SOS1: variants seen among roughly 807,000 people sequenced by gnomAD.
The protein encoded by SOS1 is SOS Ras/Rac guanine nucleotide exchange factor 1, also known as son of sevenless homolog 1.
A neutral mutation model predicts 157.6 loss-of-function variants in SOS1; 25 were observed. That is an observed-to-expected ratio of 0.16 (90% CI 0.12 to 0.22). The LOEUF (loss-of-function observed/expected upper bound fraction) is 0.22, where lower values mean the gene tolerates loss of function less well. Ranked by LOEUF, SOS1 falls within the 10% of genes least tolerant of loss-of-function variation. SOS1 has a pLI of 1.00. For synonymous variants in SOS1, 528 were observed against 534.0 expected (o/e 0.99, Z 0.16); for missense variants, 1,237 against 1,599.1 (o/e 0.77, Z 3.86).
At chr2:39,040,428 A>G (rs976443887) in intron 6 of SOS1, among the ~76,000 whole-genome samples, 1 of 152,126 alleles carries the variant, frequency 6.6e-6, no homozygotes, top group Non-Finnish European at 1.5e-5. Flanking sequence ...CCATTTCCAG[A>G]TCTGAACTAT....
At chr2:39,069,029 C>G (rs1261442365) in intron 1 of SOS1, among the ~76,000 whole-genome samples, 1 of 151,850 alleles carries the variant, frequency 6.6e-6, no homozygotes, top group Non-Finnish European at 1.5e-5. Context: ...GTGACAGCCT[C>G]AGTGTACAGG....
At chr2:39,110,656 A>C (rs1241375715) in intron 1 of SOS1, among the ~76,000 whole-genome samples, 2 of 152,270 alleles carry the variant, frequency 1.3e-5, no homozygotes, top group East Asian at 3.8e-4. Context: ...TCACAACACA[A>C]CAATTAACTT....
chr2:39,056,385 C>G (rs1671212162), intron 4 of SOS1, among the ~76,000 whole-genome samples: 1 of 151,866 alleles, frequency 6.6e-6, no homozygotes, highest in Non-Finnish European at 1.5e-5. Context: ...CCACTGCACT[C>G]CAGCCTGGGC....
intron 9 of SOS1, 133 bp from the exon 10 acceptor site, chr2:39,023,358 T>C: frequency 1.6e-6 from 1 of 615,628 alleles, no homozygotes; most frequent in Non-Finnish European, 2.7e-6. Flanking sequence ...CCAAATAGAT[T>C]AGAATTACAA....
At chr2:39,095,065 A>AT (rs1379578054) in intron 1 of SOS1, among the ~76,000 whole-genome samples, 2 of 152,336 alleles carry the variant, frequency 1.3e-5, no homozygotes, top group East Asian at 3.9e-4. Flanking sequence ...CTCAGCTACC[A>AT]TAACAGCCAC....
intron 8 of SOS1, among the ~76,000 whole-genome samples, chr2:39,031,926 A>G (rs1276997269): frequency 6.6e-6 from 1 of 152,202 alleles, no homozygotes; most frequent in Non-Finnish European, 1.5e-5. Context: ...TAAAGAGTGA[A>G]GACTTGACTG....
intron 2 of SOS1, among the ~76,000 whole-genome samples, chr2:39,066,684 A>C (rs528108560): frequency 6.6e-6 from 1 of 152,292 alleles, no homozygotes; most frequent in Admixed American, 6.5e-5. Context: ...TAAAAAGACA[A>C]GGGCCATATC....
intron 17 of SOS1, among the ~76,000 whole-genome samples, chr2:39,005,121 C>G (rs1175670392): frequency 1.3e-5 from 2 of 152,162 alleles, no homozygotes; most frequent in South Asian, 2.1e-4. Flanking sequence ...TACATATACA[C>G]ATACATACAT....
intron 1 of SOS1, among the ~76,000 whole-genome samples, chr2:39,080,426 C>G (rs1672162101): frequency 6.6e-6 from 1 of 152,164 alleles, no homozygotes; most frequent in Non-Finnish European, 1.5e-5. Flanking sequence ...TCCTAACAGG[C>G]CATGGACCAG....
At chr2:38,988,181 T>C (rs1035551534) in intron 21 of SOS1, among the ~76,000 whole-genome samples, 15 of 152,164 alleles carry the variant, frequency 9.9e-5, no homozygotes, top group African/African-American at 3.6e-4. Flanking sequence ...AGAGGCTCAT[T>C]ATACTCTAAA....
chr2:39,110,852 G>A (rs1275099893), intron 1 of SOS1, among the ~76,000 whole-genome samples: 2 of 152,214 alleles, frequency 1.3e-5, no homozygotes, highest in African/African-American at 4.8e-5. Context: ...TATAACCCCA[G>A]CACTTTGGGA....
chr2:39,004,138 G>A (rs970425809), intron 17 of SOS1, among the ~76,000 whole-genome samples: 2 of 152,092 alleles, frequency 1.3e-5, no homozygotes, highest in African/African-American at 2.4e-5. Flanking sequence ...GTCCCTGGCC[G>A]GGTGCGGTGG....
chr2:39,059,583 T>C (rs745603686), intron 2 of SOS1, among the ~76,000 whole-genome samples: 12 of 152,174 alleles, frequency 7.9e-5, no homozygotes, highest in Non-Finnish European at 1.5e-4. Flanking sequence ...TACACATGTG[T>C]TTTGAATAAA....
intron 20 of SOS1, among the ~76,000 whole-genome samples, chr2:38,991,619 G>A (rs931189787): frequency 1.3e-5 from 2 of 152,200 alleles, no homozygotes; most frequent in Non-Finnish European, 2.9e-5. Context: ...TTGAATGTAT[G>A]TGTGGCAGCA....
At chr2:39,094,738 A>C (rs1672712208) in intron 1 of SOS1, among the ~76,000 whole-genome samples, 1 of 152,220 alleles carries the variant, frequency 6.6e-6, no homozygotes, top group African/African-American at 2.4e-5. Context: ...CTACCAATCT[A>C]AGATAACCCT....
intron 20 of SOS1, among the ~76,000 whole-genome samples, chr2:38,990,409 T>C (rs1197122931): frequency 6.6e-6 from 1 of 152,138 alleles, no homozygotes. Flanking sequence ...TTAAAATTCA[T>C]TTTTCTACTC....
intron 1 of SOS1, among the ~76,000 whole-genome samples, chr2:39,087,634 A>G (rs1672427367): frequency 6.6e-6 from 1 of 152,242 alleles, no homozygotes; most frequent in South Asian, 2.1e-4. Context: ...ACCAGAGGAT[A>G]ACATGATGAT....
intron 8 of SOS1, among the ~76,000 whole-genome samples, chr2:39,032,394 TCTAC>T (rs1274926975): frequency 2.0e-5 from 3 of 152,240 alleles, no homozygotes; most frequent in Admixed American, 6.5e-5. Context: ...TTTAAGGCAT[TCTAC>T]CTAAGTTTCC....
intron 20 of SOS1, among the ~76,000 whole-genome samples, chr2:38,994,368 T>G (rs1572803718): frequency 6.6e-6 from 1 of 152,260 alleles, no homozygotes; most frequent in East Asian, 1.9e-4. Context: ...TCTGTGAGAT[T>G]TGTTTCGCTG....
Sources: gnomAD v4.1 joint callset for allele counts (sites outside exome capture counted in the v4.1 genomes callset) on GRCh38, gnomAD v4.1.1 for gene constraint, MANE v1.5 for transcripts, NCBI Gene and HGNC (gene_info 2026-07-23, HGNC 2026-07-21) for gene names.